MAML2: variants seen among roughly 807,000 people sequenced by gnomAD.
MAML2 encodes the protein mastermind like transcriptional coactivator 2, also known as mastermind-like protein 2.
MAML2 carries 22 observed loss-of-function variants against 96.1 expected under a neutral mutation model. That is an observed-to-expected ratio of 0.23 (90% CI 0.16 to 0.33). The LOEUF is 0.33. MAML2 is among the 10% of genes least tolerant of loss of function. The pLI is 1.00. For synonymous variants in MAML2, 561 were observed against 521.3 expected (o/e 1.08, Z -1.04); for missense variants, 1,367 against 1,392.4 (o/e 0.98, Z 0.29).
At chr11:96,238,328 T>A (rs1210292076) in intron 1 of MAML2, among the ~76,000 whole-genome samples, 1 of 152,186 alleles carries the variant, frequency 6.6e-6, no homozygotes, top group Admixed American at 6.5e-5. Flanking sequence ...TGAGCCAAGG[T>A]GTATCTGTGT....
intron 1 of MAML2, among the ~76,000 whole-genome samples, chr11:96,295,202 C>T (rs1458643474): frequency 6.6e-6 from 1 of 152,052 alleles, no homozygotes; most frequent in Non-Finnish European, 1.5e-5. Flanking sequence ...TTCACTTTTG[C>T]AATGGTCAGA....
chr11:95,979,958 AGCCACCTG>A lies in MAML2; in HGVS notation c.2456-3_2460del, dbSNP rs1452383373. 6.2e-7 allele frequency: 1 copy of A among 1,607,308 alleles called. No individual in the cohort carries two copies. The highest frequency in any genetic ancestry group is 8.5e-7 in the Non-Finnish European group (1 of 1,177,116). Reference sequence around the variant, plus strand: ...TTAGAGTTTAAGCTTATTGTGGATGAGCCACCTGAGAAAAAGAAGAGAATTTTATTAGT... The same window carrying A: ...TTAGAGTTTAAGCTTATTGTGGATGAAGAAAAAGAAGAGAATTTTATTAGT... On this transcript the variant is annotated splice_acceptor_variant and splice_polypyrimidine_tract_variant and coding_sequence_variant and intron_variant, in exon 5 of 5. Transcript: ENST00000524717. LOFTEE classifies it high-confidence loss of function.
At chr11:96,329,020 C>T (rs375505316) in intron 1 of MAML2, among the ~76,000 whole-genome samples, 6 of 152,008 alleles carry the variant, frequency 3.9e-5, no homozygotes, top group African/African-American at 1.2e-4. Context: ...GATGGAGAGA[C>T]GGATGTACAC....
intron 1 of MAML2, among the ~76,000 whole-genome samples, chr11:96,166,189 A>T (rs1434169540): frequency 8.6e-5 from 13 of 150,352 alleles, no homozygotes; most frequent in Non-Finnish European, 1.3e-4. Flanking sequence ...ACACACACAC[A>T]CACACACACA....
At chr11:96,298,565 A>G (rs1042714007) in intron 1 of MAML2, among the ~76,000 whole-genome samples, 6 of 151,856 alleles carry the variant, frequency 4.0e-5, no homozygotes, top group Admixed American at 2.0e-4. Flanking sequence ...GCTGGGTTAT[A>G]TAAGAGAAGA....
chr11:96,015,056 T>A (rs1187000729), intron 2 of MAML2, among the ~76,000 whole-genome samples: 1 of 152,178 alleles, frequency 6.6e-6, no homozygotes, highest in East Asian at 1.9e-4. Context: ...GAACTGACAT[T>A]TGGAGAAGCT....
At chr11:96,187,863 G>A (rs1401116744) in intron 1 of MAML2, among the ~76,000 whole-genome samples, 1 of 151,938 alleles carries the variant, frequency 6.6e-6, no homozygotes, top group Non-Finnish European at 1.5e-5. Flanking sequence ...CTTCTCCTCT[G>A]CTCTGATATT....
In MAML2 at chr11:96,051,902, G is replaced by A. The variant is rs530477535; in HGVS notation, c.2139+39990C>T. Reference sequence around the variant, plus strand: ...ACCAGCTTCCTTGTCCAGTTCTGAAGGGCCTGGCTCACAATTAGGCAGAAG... The same window carrying A: ...ACCAGCTTCCTTGTCCAGTTCTGAAAGGCCTGGCTCACAATTAGGCAGAAG... On this transcript the variant is annotated intron_variant, in intron 2 of 4. Transcript: ENST00000524717. Among the ~76,000 whole-genome samples the A allele has an allele frequency of 2.0e-4, 31 of 152,300 alleles. No homozygotes were observed. In the South Asian group the frequency reaches 6.0e-3, roughly 30 times the overall value.
At chr11:96,193,737 T>C (rs71475384) in intron 1 of MAML2, among the ~76,000 whole-genome samples, 10,514 of 152,350 alleles carry the variant, frequency 0.069, 467 homozygotes, top group Non-Finnish European at 0.097. Context: ...TTTTTATCCT[T>C]TTTCTTATGA....
At chr11:96,206,659 C>T (rs1053601581) in intron 1 of MAML2, among the ~76,000 whole-genome samples, 1 of 152,192 alleles carries the variant, frequency 6.6e-6, no homozygotes, top group Admixed American at 6.5e-5. Flanking sequence ...AAACCCATTT[C>T]ATTTTGTGCT....
chr11:96,046,943 A>C (rs1019832725), intron 2 of MAML2, among the ~76,000 whole-genome samples: 1 of 152,222 alleles, frequency 6.6e-6, no homozygotes, highest in Non-Finnish European at 1.5e-5. Flanking sequence ...TCCAACAATA[A>C]GTTTGTTAGA....
chr11:96,185,487 A>T (rs1197576937), intron 1 of MAML2, among the ~76,000 whole-genome samples: 1 of 152,172 alleles, frequency 6.6e-6, no homozygotes, highest in African/African-American at 2.4e-5. Context: ...ACAGAAAACA[A>T]CTGCTCTCAA....
At chr11:96,288,358 A>T (rs1194382665) in intron 1 of MAML2, among the ~76,000 whole-genome samples, 1 of 152,128 alleles carries the variant, frequency 6.6e-6, no homozygotes, top group Non-Finnish European at 1.5e-5. Flanking sequence ...CCTGGCCAAC[A>T]TGGTGAAACC....
intron 1 of MAML2, among the ~76,000 whole-genome samples, chr11:96,289,991 C>T (rs1016021359): frequency 7.9e-5 from 12 of 152,250 alleles, no homozygotes; most frequent in Middle Eastern, 3.4e-3. Flanking sequence ...ATCCTCTAAG[C>T]TCTCTCACTT....
At chr11:96,123,985 G>A (rs893333237) in intron 1 of MAML2, among the ~76,000 whole-genome samples, 6 of 150,948 alleles carry the variant, frequency 4.0e-5, no homozygotes, top group Non-Finnish European at 7.4e-5. Context: ...TAGGAGAGTC[G>A]CTTGACCCCG....
chr11:96,214,516 G>A (rs1257200915), intron 1 of MAML2, among the ~76,000 whole-genome samples: 1 of 152,136 alleles, frequency 6.6e-6, no homozygotes, highest in African/African-American at 2.4e-5. Context: ...TTCCTTTGGT[G>A]ATCATGTACA....
At chr11:96,038,627 C>G (rs75317852) in intron 2 of MAML2, among the ~76,000 whole-genome samples, 50 of 152,328 alleles carry the variant, frequency 3.3e-4, no homozygotes, top group Non-Finnish European at 5.4e-4. Context: ...GCTGTTTCCT[C>G]TAACTGGAAT....
intron 1 of MAML2, among the ~76,000 whole-genome samples, chr11:96,334,118 G>T (rs758011537): frequency 6.6e-6 from 1 of 152,170 alleles, no homozygotes; most frequent in Non-Finnish European, 1.5e-5. Context: ...TCTATCCCAG[G>T]TGATGTCTCC....
intron 1 of MAML2, among the ~76,000 whole-genome samples, chr11:96,212,146 TGTGTGG>T (rs1565250383): frequency 1.6e-5 from 2 of 128,658 alleles, no homozygotes; most frequent in Admixed American, 7.8e-5. Context: ...TGTGTGTGTG[TGTGTGG>T]AAGGGGGACT....
Sources: allele counts gnomAD v4.1 joint callset (sites outside exome capture counted in the v4.1 genomes callset), GRCh38; gene constraint gnomAD v4.1.1; transcripts MANE v1.5; gene names NCBI Gene and HGNC (gene_info 2026-07-23, HGNC 2026-07-21).